NOMO3: variants seen among roughly 807,000 people sequenced by gnomAD.
NOMO3 encodes the protein NODAL modulator 3.
Under a neutral mutation model 69.9 loss-of-function variants are expected in NOMO3, and 15 were observed. The ratio of observed to expected loss-of-function variants is 0.21; its 90% CI spans 0.14 to 0.33. The LOEUF (loss-of-function observed/expected upper bound fraction) is 0.33, where lower values mean the gene tolerates loss of function less well. NOMO3 is among the 10% of genes least tolerant of loss of function. The probability of loss-of-function intolerance (pLI) is 1.00; values close to 1 mark genes in which losing one functional copy is unlikely to be tolerated. For synonymous variants in NOMO3, 89 were observed against 301.9 expected, an observed-to-expected ratio of 0.29 and a Z score of 7.31; for missense variants, 218 against 761.0, an observed-to-expected ratio of 0.29 and a Z score of 8.39.
At chr16:16,267,733 C>A (rs1414229270) in intron 16 of NOMO3, among the ~76,000 whole-genome samples, 1 of 143,758 alleles carries the variant, frequency 7.0e-6, no homozygotes, top group African/African-American at 2.9e-5. Flanking sequence ...TGCACCCAAC[C>A]CTCTCTCTCT....
chr16:16,236,655 A>G (rs3830045), intron 1 of NOMO3, among the ~76,000 whole-genome samples: 3 of 144,908 alleles, frequency 2.1e-5, no homozygotes, highest in East Asian at 4.5e-4. Flanking sequence ...AAATAAACAG[A>G]AAAGCATTGA....
At chr16:16,255,040 G>T (rs2049498735) in intron 9 of NOMO3, among the ~76,000 whole-genome samples, 1 of 144,100 alleles carries the variant, frequency 6.9e-6, no homozygotes, top group Non-Finnish European at 1.5e-5. Context: ...AGCCTCCCGA[G>T]TAGCTGGGAT....
chr16:16,268,207 T>C lies in NOMO3; in HGVS notation c.1894+1076T>C, dbSNP rs2049634521. ...ATGACTAATGTTACGGACATTCTTATACAAGTCTTTGTGTCCGTATGTTTT... is the reference window on the plus strand; with the variant it reads ...ATGACTAATGTTACGGACATTCTTACACAAGTCTTTGTGTCCGTATGTTTT... On this transcript the variant is annotated intron_variant, in intron 16 of 30. Transcript: ENST00000399336. Among the ~76,000 whole-genome samples the C allele has an allele frequency of 2.1e-5, 3 of 144,672 alleles. 1 individual carries two copies. In the South Asian group the frequency reaches 6.5e-4, roughly 31 times the overall value. 94.9% of individuals were successfully genotyped at this position (144,672 alleles called of 152,430 possible).
intron 11 of NOMO3, 35 bp from the exon 12 acceptor site, chr16:16,261,467 T>A (rs1231501696): frequency 4.5e-6 from 7 of 1,569,546 alleles, no homozygotes; most frequent in Non-Finnish European, 6.0e-6. Context: ...TATAATTGAG[T>A]CCTCGTGCTG....
At chr16:16,254,571 G>A (rs1596807184) in intron 9 of NOMO3, among the ~76,000 whole-genome samples, 2 of 142,234 alleles carry the variant, frequency 1.4e-5, no homozygotes, top group East Asian at 2.3e-4. Context: ...TGTTGCACAC[G>A]TGCGTGCACA....
intron 1 of NOMO3, among the ~76,000 whole-genome samples, chr16:16,234,116 AC>A (rs2141244080): frequency 6.6e-6 from 1 of 152,130 alleles, no homozygotes; most frequent in South Asian, 2.1e-4. Context: ...GAATGAATCT[AC>A]CCACTGGCAG....
chr16:16,255,298 A>G (rs1050897560), intron 9 of NOMO3, among the ~76,000 whole-genome samples: 12 of 140,810 alleles, frequency 8.5e-5, no homozygotes, highest in Non-Finnish European at 1.3e-4. Flanking sequence ...TGGAATCCAC[A>G]GGACTGATCG....
rs540558617 is a variant in NOMO3 at position 16,263,293 on chromosome 16, G to C, written c.1537+78G>C. Reference sequence around the variant, plus strand: ...AGGAGTGGGATTTGGGAAACTTTTTGTTTTGCCTTTGTTGTTTGCTACTGA... The same window carrying C: ...AGGAGTGGGATTTGGGAAACTTTTTCTTTTGCCTTTGTTGTTTGCTACTGA... On this transcript the variant is annotated intron_variant, in intron 13 of 30. Coordinates refer to ENST00000399336, the MANE Select transcript of NOMO3 (RefSeq NM_001004067.4). 138 of 1,594,134 alleles carry C rather than the reference G, an allele frequency of 8.7e-5. 13 individuals carry two copies. Among genetic ancestry groups the C allele is most frequent in the Middle Eastern group, 5.3e-4 (3 of 5,714 alleles).
At chr16:16,265,610 G>A (rs1239842821) in intron 15 of NOMO3, among the ~76,000 whole-genome samples, 3 of 111,222 alleles carry the variant, frequency 2.7e-5, no homozygotes, top group Admixed American at 2.0e-4. Flanking sequence ...GGTGTACACC[G>A]CTCTGTACTG....
chr16:16,235,799 T>C (rs2049321438), intron 1 of NOMO3: 1 of 439,318 alleles, frequency 2.3e-6, no homozygotes, highest in Admixed American at 2.5e-5. Context: ...TGAGCCACCA[T>C]GCCTGGCCGC....
intron 11 of NOMO3, among the ~76,000 whole-genome samples, chr16:16,260,528 A>G (rs1199326383): frequency 7.0e-6 from 1 of 143,262 alleles, no homozygotes; most frequent in Non-Finnish European, 1.5e-5. Flanking sequence ...CACATACACA[A>G]TCTTCCACCA....
rs538061896 is a variant in NOMO3, at chr16:16,255,156, G to T, written c.964-564G>T. ...TTGGACTGCTGACCTCAAGTGATCT[G>T]CCTGCCTCGGCCTCCCAAAGTGCTG... On this transcript the variant is annotated intron_variant, in intron 9 of 30. Transcript: ENST00000399336. Among the ~76,000 whole-genome samples, 2 of 142,686 alleles carry T rather than the reference G, an allele frequency of 1.4e-5. 1 individual carries two copies. The highest frequency in any genetic ancestry group is 4.6e-4 in the East Asian group (2 of 4,344). 93.6% of individuals were successfully genotyped at this position (142,686 alleles called of 152,430 possible).
intron 1 of NOMO3, among the ~76,000 whole-genome samples, chr16:16,233,502 GT>G (rs1300616875): frequency 1.1e-5 from 1 of 92,870 alleles, no homozygotes; most frequent in Non-Finnish European, 2.2e-5. Context: ...TGTGCTGAAG[GT>G]TTTTTTTTTT....
chr16:16,249,678 A>G (rs2049446676), intron 6 of NOMO3, among the ~76,000 whole-genome samples: 1 of 144,166 alleles, frequency 6.9e-6, no homozygotes, highest in Non-Finnish European at 1.5e-5. Flanking sequence ...AATTGTCTGC[A>G]TAGAAGAATC....
intron 12 of NOMO3, 58 bp from the exon 13 acceptor site, chr16:16,263,016 G>T: frequency 1.9e-6 from 3 of 1,582,952 alleles, no homozygotes; most frequent in Non-Finnish European, 2.6e-6. Context: ...GCGCCCTGTA[G>T]GTCAGGGGGA....
rs183163726 is a variant in NOMO3 at position 16,266,554 on chromosome 16, C to G, written c.1807-490C>G. ...CTCCCCTCTGCCTGGAGTGCTGTGACTTCTCCAGAAACACGTGTTGTTGGT... is the reference window on the plus strand; with the variant it reads ...CTCCCCTCTGCCTGGAGTGCTGTGAGTTCTCCAGAAACACGTGTTGTTGGT... On this transcript the variant is annotated intron_variant, in intron 15 of 30. Transcript: ENST00000399336. 3.7e-3 allele frequency: 1,284 copies of G among 344,268 alleles called. 336 individuals are homozygous for G. The highest frequency in any genetic ancestry group is 6.9e-3 in the Admixed American group (211 of 30,534). 21.3% of individuals were successfully genotyped at this position (344,268 alleles called of 1,614,324 possible).
rs1381541839 is a variant in NOMO3, at chr16:16,266,193, T to C, written c.1807-851T>C. On this transcript the variant is annotated intron_variant, in intron 15 of 30. Transcript: ENST00000399336. ...TCATCGTCAGGTCTTAGTTTCTCTG[T>C]AGAGAAACTAGAAGAATTGGAACTG... 3.6e-5 allele frequency among the ~76,000 whole-genome samples: 5 copies of C among 137,694 alleles called. 2 individuals carry two copies. In the East Asian group the frequency reaches 1.2e-3, roughly 34 times the overall value. 90.3% of individuals were successfully genotyped at this position (137,694 alleles called of 152,430 possible). A position where few individuals can be genotyped will look rare whatever the true frequency, so the allele number is the denominator to read the frequency against.
intron 12 of NOMO3, among the ~76,000 whole-genome samples, 176 bp from the exon 13 acceptor site, chr16:16,262,898 T>C (rs1226849894): frequency 7.0e-6 from 1 of 143,084 alleles, no homozygotes; most frequent in Non-Finnish European, 1.5e-5. Context: ...AGAACCGTGC[T>C]TACTTCACAC....
In NOMO3 at chr16:16,255,997, T is replaced by C; in HGVS notation, c.1070-11T>C. Reference sequence around the variant, plus strand: ...TGGCTTATCTTCTGTTTGTGTGTTTTTGTTTTACAGTTAAAACAAAAGCTG... The same window carrying C: ...TGGCTTATCTTCTGTTTGTGTGTTTCTGTTTTACAGTTAAAACAAAAGCTG... On this transcript the variant is annotated splice_polypyrimidine_tract_variant and intron_variant, in intron 10 of 30. Coordinates refer to ENST00000399336, the MANE Select transcript of NOMO3 (RefSeq NM_001004067.4). The C allele has an allele frequency of 6.3e-7, 1 of 1,581,496 alleles. No individual in the cohort carries two copies. The highest frequency in any genetic ancestry group is 8.5e-7 in the Non-Finnish European group (1 of 1,173,626).
Sources: gnomAD v4.1 joint callset for allele counts (sites outside exome capture counted in the v4.1 genomes callset) on GRCh38, gnomAD v4.1.1 for gene constraint, MANE v1.5 for transcripts, NCBI Gene and HGNC (gene_info 2026-07-23, HGNC 2026-07-21) for gene names.